The following TLR3 variants were observed in gnomAD, a reference collection of about 807,000 sequenced individuals.
TLR3 encodes the protein toll like receptor 3, also known as toll-like receptor 3.
Under a neutral mutation model 66.4 loss-of-function variants are expected in TLR3, and 43 were observed. The observed-to-expected ratio is 0.65, with a 90% CI of 0.51 to 0.83. The LOEUF (loss-of-function observed/expected upper bound fraction) is 0.83. Among genes scored for constraint, TLR3 ranks in the 40% least tolerant of loss-of-function variants. TLR3 has a pLI of 0.00. For missense variants in TLR3, 982 were observed against 1,044.6 expected (o/e 0.94, Z 0.83); for synonymous variants, 397 against 397.2 (o/e 1.00, Z 0.01).
intron 1 of TLR3, among the ~76,000 whole-genome samples, chr4:186,073,134 C>G (rs115849826): frequency 6.6e-6 from 1 of 152,142 alleles, no homozygotes; most frequent in African/African-American, 2.4e-5. Flanking sequence ...AGAGAGTAGA[C>G]AGCCCAGAAA....
intron 3 of TLR3, among the ~76,000 whole-genome samples, chr4:186,080,562 T>A (rs971897949): frequency 6.7e-6 from 1 of 149,014 alleles, no homozygotes; most frequent in African/African-American, 2.5e-5. Context: ...ATGTATATAG[T>A]ATTTTTAATC....
In TLR3 at chr4:186,085,047, A is replaced by G; in HGVS notation, c.*174A>G. On this transcript the variant is annotated 3_prime_UTR_variant, in exon 5 of 5. Transcript: ENST00000296795. ...AAATGTGTCTCCTTATTTCAGGCCT[A>G]TTTTTGACAATTGACTTAATTTTAC... 1.6e-6 allele frequency: 1 copy of G among 627,568 alleles called. No individual in the cohort carries two copies. The highest frequency in any genetic ancestry group is 2.9e-5 in the Admixed American group (1 of 34,044). 38.9% of individuals were successfully genotyped at this position (627,568 alleles called of 1,614,324 possible).
In TLR3 at chr4:186,082,351, G is replaced by A. The variant is rs780175607; in HGVS notation, c.665G>A (p.Arg222Lys). Residue 222 changes from arginine to lysine, a missense_variant, in exon 4 of 5, where the codon AGA becomes AAA. By Grantham distance (26) the Arg-to-Lys change is conservative. Transcript: ENST00000296795. ...CCAGGGTGTTTTCACGCAATTGGAA[G>A]ATTATTTGGCCTCTTTCTGAACAAT... Reference protein sequence around the residue: ...FSPGCFHAIGRLFGLFLNNVQ... With the variant: ...FSPGCFHAIGKLFGLFLNNVQ... 1 of 1,610,830 alleles carries A rather than the reference G, an allele frequency of 6.2e-7. No homozygotes were observed. The highest frequency in any genetic ancestry group is 1.1e-5 in the South Asian group (1 of 90,960).
At chr4:186,082,105 A>G in intron 3 of TLR3, 2 of 566,954 alleles carry the variant, frequency 3.5e-6, no homozygotes, top group Non-Finnish European at 6.2e-6. Context: ...CATGCCTGTA[A>G]TCCCAGCTAC....
intron 1 of TLR3, among the ~76,000 whole-genome samples, chr4:186,073,248 G>A (rs780506532): frequency 3.3e-5 from 5 of 152,088 alleles, no homozygotes; most frequent in Non-Finnish European, 7.4e-5. Flanking sequence ...GACCAGGCGT[G>A]GTGGCTCACC....
At position 186,083,519 on chromosome 4, in the gene TLR3, T is replaced by C. The variant is rs114810441; in HGVS notation, c.1833T>C (p.Ser611=). Residue 611 remains serine (S), a synonymous_variant, in exon 4 of 5, where the codon TCT becomes TCC. Transcript: ENST00000296795. The surrounding 1 kb of genome is among the most constrained non-coding windows in gnomAD (Gnocchi z 4.0). ...CATCTGTCTTTAATAATCAGGTGTC[T>C]CTAAAGTCATTGAACCTTCAGAAGA... ...LPASVFNNQV[S]LKSLNLQKNL... is the part of the protein sequence containing the mutation. The C allele has an allele frequency of 6.2e-7, 1 of 1,610,692 alleles. No individual in the cohort carries two copies.
chr4:186,087,348 T>G lies in TLR3; in HGVS notation c.*2475T>G, dbSNP rs1375774831. 6.6e-6 allele frequency: 1 copy of G among 152,246 alleles called. No homozygotes were observed. Among genetic ancestry groups the G allele is most frequent in the Non-Finnish European group, 1.5e-5 (1 of 68,038 alleles). 9.4% of individuals were successfully genotyped at this position (152,246 alleles called of 1,614,324 possible). A position where few individuals can be genotyped will look rare whatever the true frequency, so the allele number is the denominator to read the frequency against. Reference sequence around the variant, plus strand: ...ACTCCTATCTGACCTAGGTAGGAAGTAACATCCAGAACTTCTGCAGGCTGT... The same window carrying G: ...ACTCCTATCTGACCTAGGTAGGAAGGAACATCCAGAACTTCTGCAGGCTGT... On this transcript the variant is annotated 3_prime_UTR_variant, in exon 5 of 5. Transcript: ENST00000296795.
At chr4:186,084,610 C>A in intron 4 of TLR3, 35 bp from the exon 5 acceptor site, 1 of 1,388,118 alleles carries the variant, frequency 7.2e-7, no homozygotes, top group South Asian at 1.2e-5. Context: ...TGTTAAAAAC[C>A]GTATATTAAT....
chr4:186,078,972 G>T lies in TLR3; in HGVS notation c.574G>T (p.Asp192Tyr). The T allele has an allele frequency of 6.2e-7, 1 of 1,613,890 alleles. No individual in the cohort carries two copies. The highest frequency in any genetic ancestry group is 1.1e-5 in the South Asian group (1 of 91,004). ...TCAAGCGCTAAAAAGTGAAGAACTG[G>T]ATATCTTTGCCAATTCATCTTTAAA... ...KIQALKSEEL[D>Y]IFANSSLKKL... is the part of the protein sequence containing the mutation. Residue 192 changes from aspartate (D) to tyrosine (Y), a missense_variant, in exon 3 of 5, where the codon GAT becomes TAT. Asp to Tyr is a radical substitution (Grantham distance 160). Coordinates refer to ENST00000296795, the MANE Select transcript of TLR3 (RefSeq NM_003265.3).
chr4:186,077,060 G>T lies in TLR3; in HGVS notation c.441G>T (p.Lys147Asn). The T allele has an allele frequency of 6.2e-7, 1 of 1,613,004 alleles. No individual in the cohort carries two copies. Among genetic ancestry groups the T allele is most frequent in the African/African-American group, 1.3e-5 (1 of 74,974 alleles). The change falls in exon 2 of 5, where the codon AAG becomes AAT. Residue 147 changes from lysine (K) to asparagine (N), a missense_variant and splice_region_variant. By Grantham distance (94) the Lys-to-Asn change is moderately conservative. Around this residue, in one of 3 missense-constraint regions of TLR3, gnomAD observed 313 missense variants for 319.0 expected, o/e 0.98. Coordinates refer to ENST00000296795, the MANE Select transcript of TLR3 (RefSeq NM_003265.3). ...KIKNNPFVKQKNLITLDLSHN... is the reference protein window; with the variant it reads ...KIKNNPFVKQNNLITLDLSHN... ...AAAATAATCCCTTTGTCAAGCAGAA[G>T]GTAAGTTGAAAATGTCTATTGTTAC...
chr4:186,077,642 T>C (rs1443628927), intron 2 of TLR3, among the ~76,000 whole-genome samples: 1 of 152,152 alleles, frequency 6.6e-6, no homozygotes, highest in East Asian at 1.9e-4. Context: ...CACATATTTA[T>C]GAGATAGAGA....
intron 1 of TLR3, among the ~76,000 whole-genome samples, chr4:186,072,437 C>G (rs1394170987): frequency 2.0e-5 from 3 of 152,124 alleles, no homozygotes; most frequent in Non-Finnish European, 2.9e-5. Flanking sequence ...CTCGGCCTTC[C>G]CAGTAGCTGG....
At chr4:186,071,924 A>ATT (rs1475087098) in intron 1 of TLR3, among the ~76,000 whole-genome samples, 3 of 152,148 alleles carry the variant, frequency 2.0e-5, no homozygotes, top group Non-Finnish European at 2.9e-5. Flanking sequence ...TTGTGGGTGT[A>ATT]TTTGATTTTT....
At chr4:186,075,459 A>G (rs539205835) in intron 1 of TLR3, among the ~76,000 whole-genome samples, 2 of 152,198 alleles carry the variant, frequency 1.3e-5, no homozygotes, top group African/African-American at 4.8e-5. Flanking sequence ...CTATCTCTCT[A>G]TAAAATTTAA....
At chr4:186,074,796 T>G (rs2099302174) in intron 1 of TLR3, among the ~76,000 whole-genome samples, 1 of 152,200 alleles carries the variant, frequency 6.6e-6, no homozygotes, top group Non-Finnish European at 1.5e-5. Flanking sequence ...TTTAATTTTC[T>G]TCTTTTTTTT....
chr4:186,071,475 G>A (rs1435017575), intron 1 of TLR3, among the ~76,000 whole-genome samples: 1 of 152,234 alleles, frequency 6.6e-6, no homozygotes, highest in Non-Finnish European at 1.5e-5. Flanking sequence ...GGGGGCAGGT[G>A]GGGAGCTGGT....
intron 3 of TLR3, among the ~76,000 whole-genome samples, chr4:186,079,601 T>C (rs940264576): frequency 4.6e-5 from 7 of 152,200 alleles, no homozygotes; most frequent in African/African-American, 1.7e-4. Context: ...TATGTGGTTA[T>C]AAAAACCTTC....
chr4:186,084,583 A>G, intron 4 of TLR3, 62 bp from the exon 5 acceptor site: 1 of 1,104,122 alleles, frequency 9.1e-7, no homozygotes, highest in South Asian at 1.3e-5. Context: ...GTATTTTTAA[A>G]TAGTATTGCT....
Position 186,083,893 on chromosome 4 carries a change from T to C in TLR3, c.2207T>C (p.Val736Ala). ...TGGAGGATATCTTTTTATTGGAATG[T>C]TTCAGTACATCGAGTTCTTGGTTTC... is the stretch of plus-strand genomic sequence containing the variant. Reference protein sequence around the residue: ...EGWRISFYWNVSVHRVLGFKE... With the variant: ...EGWRISFYWNASVHRVLGFKE... The change falls in exon 4 of 5, where the codon GTT (valine) becomes GCT (alanine). Residue 736 changes from valine (V) to alanine (A), a missense_variant. Physicochemically the swap from Val to Ala is moderately conservative, Grantham distance 64. Around this residue, in one of 3 missense-constraint regions of TLR3, gnomAD observed 666 missense variants for 709.0 expected, o/e 0.94. Transcript: ENST00000296795. This position sits in a 1 kb window ranked among gnomAD's most constrained non-coding sequence, Gnocchi z 4.0. The C allele has an allele frequency of 6.2e-7, 1 of 1,614,208 alleles. No individual in the cohort carries two copies. Among genetic ancestry groups the C allele is most frequent in the Non-Finnish European group, 8.5e-7 (1 of 1,180,046 alleles).
Sources: gnomAD v4.1 joint callset for allele counts (sites outside exome capture counted in the v4.1 genomes callset) on GRCh38, gnomAD v4.1.1 for gene constraint, gnomAD v4.1.1 regional missense constraint, Gnocchi (gnomAD v3.1) non-coding constraint, MANE v1.5 for transcripts, NCBI Gene and HGNC (gene_info 2026-07-23, HGNC 2026-07-21) for gene names.